Variants in DERL2 observed in about 807,000 individuals in gnomAD.
DERL2 encodes derlin 2, also known as derlin-2.
Under a neutral mutation model 32.0 loss-of-function variants are expected in DERL2, and 13 were observed. The observed-to-expected ratio is 0.41, with a 90% CI of 0.26 to 0.65. The LOEUF (loss-of-function observed/expected upper bound fraction) is 0.65. Ranked by LOEUF, DERL2 falls within the 30% of genes least tolerant of loss-of-function variation. The pLI, the probability that DERL2 is intolerant of heterozygous loss-of-function variation, is 0.35. For missense variants in DERL2, 208 were observed against 296.3 expected, an observed-to-expected ratio of 0.70 and a Z score of 2.19; for synonymous variants, 111 against 104.7, an observed-to-expected ratio of 1.06 and a Z score of -0.37.
chr17:5,486,073 G>A lies in DERL2; in HGVS notation c.89C>T (p.Ala30Val). 1 of 1,610,430 alleles carries A rather than the reference G, an allele frequency of 6.2e-7. No individual in the cohort carries two copies. Among genetic ancestry groups the A allele is most frequent in the Non-Finnish European group, 8.5e-7 (1 of 1,178,282 alleles). ...GGTGGCACTGCAGCTGCTCACCACGGCGGCGGTGGTGAGGACGCAGGCAGT... is the reference window on the plus strand; with the variant it reads ...GGTGGCACTGCAGCTGCTCACCACGACGGCGGTGGTGAGGACGCAGGCAGT... ...YTTACVLTTAAVQLELITPFQ... is the reference protein window; with the variant it reads ...YTTACVLTTAVVQLELITPFQ... Residue 30 changes from alanine (A) to valine (V), a missense_variant, in exon 1 of 7, where the codon GCC (alanine) becomes GTC (valine). Physicochemically the swap from Ala to Val is moderately conservative, Grantham distance 64. This residue lies in a region of DERL2 where 44 missense variants were observed against 42.3 expected (regional missense o/e 1.04). Coordinates refer to ENST00000158771, the MANE Select transcript of DERL2 (RefSeq NM_016041.5).
chr17:5,486,212 G>T, upstream of DERL2: 1 of 1,300,068 alleles, frequency 7.7e-7, no homozygotes. Context: ...TTCCCCTTCC[G>T]CCAGCAGGCC....
At position 5,481,337 on chromosome 17, in the gene DERL2, C is replaced by G; in HGVS notation, c.286G>C (p.Asp96His). 6.2e-7 allele frequency: 1 copy of G among 1,614,144 alleles called. No homozygotes were observed. ...CCAAAAAGGAACATAAATACAAAGT[C>G]TGCTGTCCGACCTCGGAAAGAGCCT... ...EEGSFRGRTA[D>H]FVFMFLFGGF... Residue 96 changes from aspartate to histidine, a missense_variant, in exon 4 of 7, where the codon GAC becomes CAC. By Grantham distance (81) the Asp-to-His change is moderately conservative. Transcript: ENST00000158771. This position sits in a 1 kb window ranked among gnomAD's most constrained non-coding sequence, Gnocchi z 4.4.
In DERL2 at chr17:5,474,599, C is replaced by G; in HGVS notation, c.*85G>C. 4.8e-6 allele frequency: 5 copies of G among 1,042,418 alleles called. No individual in the cohort carries two copies. The highest frequency in any genetic ancestry group is 7.1e-6 in the Non-Finnish European group (5 of 706,008). 64.6% of individuals were successfully genotyped at this position (1,042,418 alleles called of 1,614,324 possible). A position where few individuals can be genotyped will look rare whatever the true frequency, so the allele number is the denominator to read the frequency against. On this transcript the variant is annotated 3_prime_UTR_variant, in exon 7 of 7. Transcript: ENST00000158771. This position sits in a 1 kb window ranked among gnomAD's most constrained non-coding sequence, Gnocchi z 4.3. ...AAATCTGCCAAGCTGTCAAAAGTGT[C>G]CACACTTTTGCAACAAAGGATAAAA...
chr17:5,473,604 A>G lies in DERL2; in HGVS notation c.*1080T>C, dbSNP rs911638719. ...AATGAAAATCTGAGACCCTGTCTCTATTTTTTTTTTTTAATTAAAAAAACA... is the reference window on the plus strand; with the variant it reads ...AATGAAAATCTGAGACCCTGTCTCTGTTTTTTTTTTTTAATTAAAAAAACA... On this transcript the variant is annotated 3_prime_UTR_variant, in exon 7 of 7. Coordinates refer to ENST00000158771, the MANE Select transcript of DERL2 (RefSeq NM_016041.5). 2.9e-5 allele frequency: 4 copies of G among 137,972 alleles called. No homozygotes were observed. Among genetic ancestry groups the G allele is most frequent in the African/African-American group, 1.1e-4 (4 of 37,186 alleles). 8.5% of individuals were successfully genotyped at this position (137,972 alleles called of 1,614,324 possible). A position where few individuals can be genotyped will look rare whatever the true frequency, so the allele number is the denominator to read the frequency against.
chr17:5,479,475 G>A (rs1905614844), intron 6 of DERL2, among the ~76,000 whole-genome samples: 1 of 126,026 alleles, frequency 7.9e-6, no homozygotes, highest in South Asian at 2.5e-4. Flanking sequence ...TCCAGCCTAG[G>A]TAACAGAGTG....
intron 2 of DERL2, among the ~76,000 whole-genome samples, chr17:5,484,032 G>A (rs1297867705): frequency 1.3e-5 from 2 of 152,216 alleles, no homozygotes; most frequent in African/African-American, 4.8e-5. Context: ...CAAAGTAAAA[G>A]TGAGAGATGT....
Position 5,480,968 on chromosome 17 carries a change from G to T in DERL2, c.327+328C>A, listed in dbSNP as rs1905738046. On this transcript the variant is annotated intron_variant, in intron 4 of 6. Coordinates refer to ENST00000158771, the MANE Select transcript of DERL2 (RefSeq NM_016041.5). ...GTACCATATCTAAGTCTATTGTATA[G>T]ATGAAAATTCTTTTTCTGAAAAAAT... is the stretch of plus-strand genomic sequence containing the variant. 2.5e-5 allele frequency: 14 copies of T among 549,660 alleles called. No homozygotes were observed. The South Asian group carries it at 3.8e-4, about 15-fold the overall frequency. 34.0% of individuals were successfully genotyped at this position (549,660 alleles called of 1,614,324 possible). A position where few individuals can be genotyped will look rare whatever the true frequency, so the allele number is the denominator to read the frequency against.
chr17:5,481,822 G>T lies in DERL2; in HGVS notation c.234-433C>A, dbSNP rs1257536148. Reference sequence around the variant, plus strand: ...GTGCCACCATGCCAGGCTATTTTTTGTATTTTTAGTAGAGAGCAGGTTTCA... The same window carrying T: ...GTGCCACCATGCCAGGCTATTTTTTTTATTTTTAGTAGAGAGCAGGTTTCA... On this transcript the variant is annotated intron_variant, in intron 3 of 6. Transcript: ENST00000158771. The surrounding 1 kb of genome is among the most constrained non-coding windows in gnomAD (Gnocchi z 4.4). Among the ~76,000 whole-genome samples, 8 of 146,462 alleles carry T rather than the reference G, an allele frequency of 5.5e-5. No individual in the cohort carries two copies. Among genetic ancestry groups the T allele is most frequent in the Non-Finnish European group, 9.3e-5 (6 of 64,342 alleles).
Position 5,481,338 on chromosome 17 carries a change from T to G in DERL2, c.285A>C (p.Ala95=). Residue 95 remains alanine, a synonymous_variant, in exon 4 of 7, where the codon GCA becomes GCC. Transcript: ENST00000158771. The surrounding 1 kb of genome is among the most constrained non-coding windows in gnomAD (Gnocchi z 4.4). Reference sequence around the variant, plus strand: ...CAAAAAGGAACATAAATACAAAGTCTGCTGTCCGACCTCGGAAAGAGCCTT... The same window carrying G: ...CAAAAAGGAACATAAATACAAAGTCGGCTGTCCGACCTCGGAAAGAGCCTT... The part of the protein sequence containing the change: ...LEEGSFRGRT[A]DFVFMFLFGG... The G allele has an allele frequency of 6.2e-7, 1 of 1,614,184 alleles. No homozygotes were observed. The highest frequency in any genetic ancestry group is 8.5e-7 in the Non-Finnish European group (1 of 1,179,992).
At position 5,474,002 on chromosome 17, in the gene DERL2, C is replaced by A. The variant is rs1905238548; in HGVS notation, c.*682G>T. The A allele has an allele frequency of 6.6e-6, 1 of 152,126 alleles. No individual in the cohort carries two copies. The highest frequency in any genetic ancestry group is 1.5e-5 in the Non-Finnish European group (1 of 68,028). 9.4% of individuals were successfully genotyped at this position (152,126 alleles called of 1,614,324 possible). ...CCTACTGCTACAAGAACCATCCTCC[C>A]TCCTTTTTTTTCATGTTGTCTGACA... On this transcript the variant is annotated 3_prime_UTR_variant, in exon 7 of 7. Coordinates refer to ENST00000158771, the MANE Select transcript of DERL2 (RefSeq NM_016041.5). The surrounding 1 kb of genome is among the most constrained non-coding windows in gnomAD (Gnocchi z 4.3).
chr17:5,474,026 C>CA lies in DERL2; in HGVS notation c.*657dup, dbSNP rs1442702163. The CA allele has an allele frequency of 6.6e-6, 1 of 152,036 alleles. No individual in the cohort carries two copies. Among genetic ancestry groups the CA allele is most frequent in the Non-Finnish European group, 1.5e-5 (1 of 68,012 alleles). 9.4% of individuals were successfully genotyped at this position (152,036 alleles called of 1,614,324 possible). A position where few individuals can be genotyped will look rare whatever the true frequency, so the allele number is the denominator to read the frequency against. ...CCTCCTTTTTTTTCATGTTGTCTGACAAAGTTTGGCAAAACCCAGATGCAA... is the reference window on the plus strand; with the variant it reads ...CCTCCTTTTTTTTCATGTTGTCTGACAAAAGTTTGGCAAAACCCAGATGCAA... On this transcript the variant is annotated 3_prime_UTR_variant, in exon 7 of 7. Transcript: ENST00000158771. The surrounding 1 kb of genome is among the most constrained non-coding windows in gnomAD (Gnocchi z 4.3).
chr17:5,484,853 C>G (rs992457629), intron 2 of DERL2, among the ~76,000 whole-genome samples: 1 of 152,190 alleles, frequency 6.6e-6, no homozygotes, highest in African/African-American at 2.4e-5. Context: ...AATACAGGAA[C>G]TGGACACATC....
At chr17:5,485,343 C>T (rs892591667) in intron 1 of DERL2, 127 bp from the exon 2 acceptor site, 2 of 589,954 alleles carry the variant, frequency 3.4e-6, no homozygotes, top group Non-Finnish European at 5.9e-6. Context: ...TTAAGCCTTT[C>T]TTCTTAGGCC....
chr17:5,481,818 T>C lies in DERL2; in HGVS notation c.234-429A>G, dbSNP rs907616290. Among the ~76,000 whole-genome samples, 84 of 146,702 alleles carry C rather than the reference T, an allele frequency of 5.7e-4. No homozygotes were observed. The highest frequency in any genetic ancestry group is 1.0e-3 in the Non-Finnish European group (65 of 64,376). The stretch of plus-strand genomic sequence containing the variant: ...TTGTGTGCCACCATGCCAGGCTATT[T>C]TTTGTATTTTTAGTAGAGAGCAGGT... On this transcript the variant is annotated intron_variant, in intron 3 of 6. Coordinates refer to ENST00000158771, the MANE Select transcript of DERL2 (RefSeq NM_016041.5). The surrounding 1 kb of genome is among the most constrained non-coding windows in gnomAD (Gnocchi z 4.4).
At position 5,474,741 on chromosome 17, in the gene DERL2, T is replaced by C. The variant is rs200000601; in HGVS notation, c.663A>G (p.Leu221=). The change falls in exon 7 of 7, where the codon CTA becomes CTG. Residue 221 remains leucine (L), a synonymous_variant. Coordinates refer to ENST00000158771, the MANE Select transcript of DERL2 (RefSeq NM_016041.5). This position sits in a 1 kb window ranked among gnomAD's most constrained non-coding sequence, Gnocchi z 4.3. Reference sequence around the variant, plus strand: ...CGAAGCCTCCTGGCCGTTCCTCAGGTAGTGGATTGTAATTTGGATCCTCAT... The same window carrying C: ...CGAAGCCTCCTGGCCGTTCCTCAGGCAGTGGATTGTAATTTGGATCCTCAT... ...TPDEDPNYNP[L]PEERPGGFAW... The C allele has an allele frequency of 2.2e-5, 35 of 1,613,762 alleles. No individual in the cohort carries two copies. The highest frequency in any genetic ancestry group is 2.9e-5 in the Non-Finnish European group (34 of 1,179,930).
At chr17:5,477,027 A>C (rs1251257262) in intron 6 of DERL2, among the ~76,000 whole-genome samples, 3 of 152,148 alleles carry the variant, frequency 2.0e-5, no homozygotes, top group Non-Finnish European at 4.4e-5. Flanking sequence ...GGAGAGGTGG[A>C]GACTATCCCG....
chr17:5,477,197 A>G (rs1905452228), intron 6 of DERL2, among the ~76,000 whole-genome samples: 1 of 152,244 alleles, frequency 6.6e-6, no homozygotes, highest in South Asian at 2.1e-4. Flanking sequence ...AATAAATACA[A>G]GAACACAGAT....
chr17:5,474,731 G>A lies in DERL2; in HGVS notation c.673C>T (p.Arg225Trp), dbSNP rs988245118. Residue 225 changes from arginine to tryptophan, a missense_variant, in exon 7 of 7, where the codon CGG (arginine) becomes TGG (tryptophan). By Grantham distance (101) the Arg-to-Trp change is moderately radical (BLOSUM62 -3). Around this residue, in one of 3 missense-constraint regions of DERL2, gnomAD observed 40 missense variants for 38.7 expected, o/e 1.03. Coordinates refer to ENST00000158771, the MANE Select transcript of DERL2 (RefSeq NM_016041.5). This position sits in a 1 kb window ranked among gnomAD's most constrained non-coding sequence, Gnocchi z 4.3. ...DPNYNPLPEE[R>W]PGGFAWGEGQ... Reference sequence around the variant, plus strand: ...TCACCCCAGGCGAAGCCTCCTGGCCGTTCCTCAGGTAGTGGATTGTAATTT... The same window carrying A: ...TCACCCCAGGCGAAGCCTCCTGGCCATTCCTCAGGTAGTGGATTGTAATTT... The A allele has an allele frequency of 2.5e-6, 4 of 1,613,734 alleles. No individual in the cohort carries two copies. The highest frequency in any genetic ancestry group is 1.7e-5 in the Admixed American group (1 of 59,980).
At position 5,474,889 on chromosome 17, in the gene DERL2, A is replaced by G; in HGVS notation, c.615-100T>C. 1 of 699,532 alleles carries G rather than the reference A, an allele frequency of 1.4e-6. No individual in the cohort carries two copies. Among genetic ancestry groups the G allele is most frequent in the Non-Finnish European group, 2.4e-6 (1 of 422,348 alleles). The allele number at this position is 699,532 out of a possible 1,614,324, so 43.3% of individuals were successfully genotyped here. ...CCCCATAGGGTTTCCACCAATAGGTAAGCATTACACCTGCCTGCCAATTAA... is the reference window on the plus strand; with the variant it reads ...CCCCATAGGGTTTCCACCAATAGGTGAGCATTACACCTGCCTGCCAATTAA... On this transcript the variant is annotated intron_variant, in intron 6 of 6. Transcript: ENST00000158771. This position sits in a 1 kb window ranked among gnomAD's most constrained non-coding sequence, Gnocchi z 4.3.
Sources: gnomAD v4.1 joint callset for allele counts (sites outside exome capture counted in the v4.1 genomes callset) on GRCh38, gnomAD v4.1.1 for gene constraint, gnomAD v4.1.1 regional missense constraint, Gnocchi (gnomAD v3.1) non-coding constraint, MANE v1.5 for transcripts, NCBI Gene and HGNC (gene_info 2026-07-23, HGNC 2026-07-21) for gene names.